Variants in MIPOL1 observed in about 807,000 individuals in gnomAD.
MIPOL1 encodes mirror-image polydactyly 1.
A neutral mutation model predicts 60.9 loss-of-function variants in MIPOL1; 57 were observed. The ratio of observed to expected loss-of-function variants is 0.94; its 90% CI spans 0.76 to 1.17. The LOEUF (loss-of-function observed/expected upper bound fraction) is 1.17, where lower values mean the gene tolerates loss of function less well. MIPOL1 is among the 50% of genes most tolerant of loss of function. The probability of loss-of-function intolerance (pLI) is 0.00; values close to 1 mark genes in which losing one functional copy is unlikely to be tolerated. For synonymous variants in MIPOL1, 179 were observed against 168.8 expected (o/e 1.06, Z -0.47); for missense variants, 551 against 511.6 (o/e 1.08, Z -0.74).
At chr14:37,476,101 C>T (rs1297860685) in intron 11 of MIPOL1, among the ~76,000 whole-genome samples, 1 of 152,172 alleles carries the variant, frequency 6.6e-6, no homozygotes, top group Non-Finnish European at 1.5e-5. Flanking sequence ...TAGGTTTCCT[C>T]ATATAGATCT....
Position 37,422,292 on chromosome 14 carries a change from C to T in MIPOL1, c.937-563C>T, listed in dbSNP as rs554933597. On this transcript the variant is annotated intron_variant, in intron 10 of 12. Coordinates refer to ENST00000684589, the MANE Select transcript of MIPOL1 (RefSeq NM_001388067.1). ...TACGGTTGCTGCCGTTCTCCCCTTT[C>T]GGGATTTGTTTTTCTCCCACAGAGA... 2.1e-3 allele frequency among the ~76,000 whole-genome samples: 322 copies of T among 151,992 alleles called. 1 individual carries two copies. The highest frequency in any genetic ancestry group is 6.2e-3 in the African/African-American group (257 of 41,516).
At chr14:37,372,690 G>A (rs34982606) in intron 10 of MIPOL1, among the ~76,000 whole-genome samples, 33,021 of 151,266 alleles carry the variant, frequency 0.22, 4,084 homozygotes, top group South Asian at 0.35. Context: ...AGGAGGCAGA[G>A]GTTGCAGTGA....
chr14:37,542,797 C>T (rs905993124), intron 12 of MIPOL1, among the ~76,000 whole-genome samples: 1 of 152,180 alleles, frequency 6.6e-6, no homozygotes, highest in Non-Finnish European at 1.5e-5. Context: ...AGGACTATGT[C>T]CTGTTCTTTG....
intron 9 of MIPOL1, among the ~76,000 whole-genome samples, chr14:37,361,658 G>T (rs6571808): frequency 0.97 from 131,611 of 135,646 alleles, 63,917 homozygotes; most frequent in East Asian, 1. Flanking sequence ...CAGTCTGAAG[G>T]GCAGTGGCTC....
intron 11 of MIPOL1, among the ~76,000 whole-genome samples, chr14:37,443,165 T>A (rs1009791284): frequency 6.6e-6 from 1 of 151,960 alleles, no homozygotes; most frequent in Non-Finnish European, 1.5e-5. Context: ...AATAAACCCA[T>A]AGTGGTCATA....
chr14:37,432,238 A>G (rs2094084365), intron 11 of MIPOL1, among the ~76,000 whole-genome samples: 1 of 152,226 alleles, frequency 6.6e-6, no homozygotes, highest in Admixed American at 6.5e-5. Context: ...TACCATAGTT[A>G]TTCACAGTGG....
chr14:37,274,284 C>G (rs2083489266), intron 6 of MIPOL1, among the ~76,000 whole-genome samples: 1 of 151,366 alleles, frequency 6.6e-6, no homozygotes, highest in Non-Finnish European at 1.5e-5. Context: ...TTTTTCATAA[C>G]ACAAATCTGT....
chr14:37,253,980 A>T (rs1382970090), intron 3 of MIPOL1, among the ~76,000 whole-genome samples: 6 of 151,772 alleles, frequency 4.0e-5, no homozygotes, highest in Admixed American at 6.6e-5. Context: ...TTAAAAGAAG[A>T]ACATGTCTGA....
rs932978971 is a variant in MIPOL1, at chr14:37,314,075, A to G, written c.828+5556A>G. On this transcript the variant is annotated intron_variant, in intron 9 of 12. Coordinates refer to ENST00000684589, the MANE Select transcript of MIPOL1 (RefSeq NM_001388067.1). ...TAGAAATGAGTCATTCTATATATCTAAATTTATTATCACTCTTTTAATTTC... is the reference window on the plus strand; with the variant it reads ...TAGAAATGAGTCATTCTATATATCTGAATTTATTATCACTCTTTTAATTTC... Among the ~76,000 whole-genome samples the G allele has an allele frequency of 1.5e-4, 23 of 152,134 alleles. 1 individual carries two copies. The highest frequency in any genetic ancestry group is 5.1e-4 in the African/African-American group (21 of 41,438).
chr14:37,327,908 T>C (rs1264917659), intron 9 of MIPOL1, among the ~76,000 whole-genome samples: 5 of 152,146 alleles, frequency 3.3e-5, no homozygotes, highest in Admixed American at 1.3e-4. Flanking sequence ...TCGTGGACAT[T>C]GTTTGAAGGT....
At chr14:37,225,540 C>T (rs762657650) in intron 1 of MIPOL1, among the ~76,000 whole-genome samples, 11 of 152,194 alleles carry the variant, frequency 7.2e-5, no homozygotes, top group Non-Finnish European at 5.9e-5. Context: ...CCCCTTTCAG[C>T]CATGGCTGGA....
chr14:37,528,382 A>G (rs2095460491), intron 12 of MIPOL1, among the ~76,000 whole-genome samples: 2 of 152,182 alleles, frequency 1.3e-5, no homozygotes, highest in Non-Finnish European at 2.9e-5. Context: ...CAGTGAAAAT[A>G]CTTAAAGCTA....
intron 1 of MIPOL1, among the ~76,000 whole-genome samples, chr14:37,226,895 G>T (rs748803048): frequency 6.6e-6 from 1 of 152,192 alleles, no homozygotes; most frequent in African/African-American, 2.4e-5. Context: ...TGGGAGTTTG[G>T]AGATAAGATT....
chr14:37,361,078 C>T (rs1448646237), intron 9 of MIPOL1, among the ~76,000 whole-genome samples: 1 of 152,068 alleles, frequency 6.6e-6, no homozygotes, highest in Non-Finnish European at 1.5e-5. Context: ...CATTATTTAC[C>T]TAGTAGTCAT....
intron 11 of MIPOL1, among the ~76,000 whole-genome samples, chr14:37,452,103 C>G (rs908311508): frequency 6.6e-6 from 1 of 151,988 alleles, no homozygotes; most frequent in African/African-American, 2.4e-5. Flanking sequence ...GCGTGAGCCA[C>G]CGCGCCCGGC....
chr14:37,350,832 T>A (rs1017473458), intron 9 of MIPOL1, among the ~76,000 whole-genome samples: 9 of 152,174 alleles, frequency 5.9e-5, no homozygotes, highest in Admixed American at 2.6e-4. Context: ...CATGCGATGA[T>A]CTCTTTCTGT....
chr14:37,542,322 G>C (rs2095532842), intron 12 of MIPOL1, among the ~76,000 whole-genome samples: 1 of 151,660 alleles, frequency 6.6e-6, no homozygotes, highest in Non-Finnish European at 1.5e-5. Flanking sequence ...TTGTCATTTT[G>C]GTTCTATCCT....
chr14:37,390,698 C>G (rs1446438415), intron 10 of MIPOL1, among the ~76,000 whole-genome samples: 2 of 151,694 alleles, frequency 1.3e-5, no homozygotes, highest in Non-Finnish European at 2.9e-5. Context: ...GATTAGTAAA[C>G]TAGATAACAA....
intron 11 of MIPOL1, among the ~76,000 whole-genome samples, chr14:37,490,738 G>A (rs1379298320): frequency 6.6e-6 from 1 of 152,078 alleles, no homozygotes; most frequent in Non-Finnish European, 1.5e-5. Flanking sequence ...CCCAGATGAG[G>A]CAACATCCCA....
Sources: gnomAD v4.1 joint callset for allele counts (sites outside exome capture counted in the v4.1 genomes callset) on GRCh38, gnomAD v4.1.1 for gene constraint, MANE v1.5 for transcripts, NCBI Gene and HGNC (gene_info 2026-07-23, HGNC 2026-07-21) for gene names.